The following DPYD variants were observed in gnomAD, a reference collection of about 807,000 sequenced individuals.
DPYD encodes dihydropyrimidine dehydrogenase [NADP(+)].
Under a neutral mutation model 116.2 loss-of-function variants are expected in DPYD, and 109 were observed. The observed-to-expected ratio is 0.94, with a 90% confidence interval of 0.80 to 1.10. DPYD has a LOEUF of 1.10. DPYD is among the 50% of genes least tolerant of loss of function. The probability of loss-of-function intolerance (pLI) is 0.00; values close to 1 mark genes in which losing one functional copy is unlikely to be tolerated. For synonymous variants in DPYD, 440 were observed against 432.0 expected, an observed-to-expected ratio of 1.02 and a Z score of -0.23; for missense variants, 1,302 against 1,254.5, an observed-to-expected ratio of 1.04 and a Z score of -0.57.
At chr1:97,486,979 A>C (rs760655102) in intron 13 of DPYD, among the ~76,000 whole-genome samples, 7 of 152,034 alleles carry the variant, frequency 4.6e-5, no homozygotes, top group Non-Finnish European at 7.4e-5. Flanking sequence ...AGCCATGCAA[A>C]TATTAAAAAT....
rs77851608 is a variant in DPYD, at chr1:97,907,194, C to T, written c.39+13690G>A. 5.3e-3 allele frequency among the ~76,000 whole-genome samples: 799 copies of T among 152,178 alleles called. 9 individuals carry two copies. Among genetic ancestry groups the T allele is most frequent in the African/African-American group, 0.018 (767 of 41,546 alleles). On this transcript the variant is annotated intron_variant, in intron 1 of 22. Transcript: ENST00000370192. ...TGAATTATTTATTTCTGGAATTTCA[C>T]ATTTAATATTTTCAGACCTAAAACT...
Position 97,376,936 on chromosome 1 carries a change from TC to T in DPYD, c.1975-3293del, listed in dbSNP as rs1399863203. 2.7e-5 allele frequency among the ~76,000 whole-genome samples: 4 copies of T among 145,590 alleles called. No homozygotes were observed. In the Admixed American group the frequency reaches 2.8e-4, roughly 10 times the overall value. On this transcript the variant is annotated intron_variant, in intron 15 of 22. Transcript: ENST00000370192. ...CTCTGAGCCAAACTATAGGTTTGAA[TC>T]CCACTTTTACTCCATCCTAGCTGTG...
intron 2 of DPYD, among the ~76,000 whole-genome samples, chr1:97,874,584 C>G (rs1671814691): frequency 1.3e-5 from 2 of 151,884 alleles, no homozygotes; most frequent in Non-Finnish European, 2.9e-5. Context: ...GATTCAGACA[C>G]TCAGAGGAAT....
chr1:97,708,280 T>C (rs1219633002), intron 5 of DPYD, among the ~76,000 whole-genome samples: 4 of 152,154 alleles, frequency 2.6e-5, no homozygotes, highest in African/African-American at 9.6e-5. Flanking sequence ...TTCTGTAGTT[T>C]TGTATTTTAC....
chr1:97,867,088 A>G (rs1244478314), intron 2 of DPYD, among the ~76,000 whole-genome samples: 1 of 151,940 alleles, frequency 6.6e-6, no homozygotes, highest in East Asian at 1.9e-4. Flanking sequence ...AGGCAGAGAC[A>G]TCAGATAGGA....
At position 97,305,361 on chromosome 1, in the gene DPYD, T is replaced by TAA. The variant is rs1282340496; in HGVS notation, c.2195_2196dup (p.Thr733LeufsTer10). 1 of 1,612,308 alleles carries TAA rather than the reference T, an allele frequency of 6.2e-7. No homozygotes were observed. Among genetic ancestry groups the TAA allele is most frequent in the South Asian group, 1.1e-5 (1 of 91,066 alleles). Reference sequence around the variant, plus strand: ...AGACCTGAGACAGTGTTGGTGGCTGTAACGCCATTGGCACCACCTATGCAA... The same window carrying TAA: ...AGACCTGAGACAGTGTTGGTGGCTGTAAAACGCCATTGGCACCACCTATGCAA... On this transcript the variant is annotated frameshift_variant, in exon 18 of 23. Coordinates refer to ENST00000370192, the MANE Select transcript of DPYD (RefSeq NM_000110.4). LOFTEE classifies it high-confidence loss of function.
chr1:97,504,120 T>C lies in DPYD; in HGVS notation c.1740+11606A>G, dbSNP rs902071479. ...ATGACATGGTTTCTTTGGAGCATGC[T>C]TCTGGGATTATATGAGTCCCACTGT... On this transcript the variant is annotated intron_variant, in intron 13 of 22. Transcript: ENST00000370192. Among the ~76,000 whole-genome samples the C allele has an allele frequency of 6.6e-5, 10 of 152,150 alleles. 2 individuals are homozygous for C. The highest frequency in any genetic ancestry group is 2.4e-4 in the African/African-American group (10 of 41,560).
chr1:97,824,389 T>A (rs1669120882), intron 3 of DPYD, among the ~76,000 whole-genome samples: 1 of 152,160 alleles, frequency 6.6e-6, no homozygotes. Context: ...CAGTCAAGTG[T>A]CATATTAGCA....
intron 3 of DPYD, among the ~76,000 whole-genome samples, chr1:97,747,864 C>T (rs766010252): frequency 6.6e-6 from 1 of 152,176 alleles, no homozygotes; most frequent in African/African-American, 2.4e-5. Context: ...CTTAAACTCT[C>T]TGACATGACT....
At chr1:97,153,144 A>T (rs1222571169) in intron 20 of DPYD, among the ~76,000 whole-genome samples, 1 of 152,192 alleles carries the variant, frequency 6.6e-6, no homozygotes, top group African/African-American at 2.4e-5. Flanking sequence ...TCTGTAGCTT[A>T]ATATGAGTAT....
At chr1:97,329,499 C>A (rs7539913) in intron 16 of DPYD, among the ~76,000 whole-genome samples, 17,477 of 151,682 alleles carry the variant, frequency 0.12, 1,410 homozygotes, top group African/African-American at 0.23. Context: ...GTAATCTCAG[C>A]AATTTGGGAG....
chr1:97,740,382 C>A lies in DPYD; in HGVS notation c.321+10G>T, dbSNP rs1232341618. On this transcript the variant is annotated intron_variant, in intron 4 of 22. Coordinates refer to ENST00000370192, the MANE Select transcript of DPYD (RefSeq NM_000110.4). ...GTTATTTTCATTTGCAGAGTTAAAT[C>A]TGAATTTACCTTGTTTGCAATACTT... is the stretch of plus-strand genomic sequence containing the variant. The A allele has an allele frequency of 1.2e-6, 2 of 1,601,308 alleles. No homozygotes were observed. Among genetic ancestry groups the A allele is most frequent in the African/African-American group, 2.7e-5 (2 of 74,658 alleles).
intron 20 of DPYD, among the ~76,000 whole-genome samples, chr1:97,106,212 A>G (rs1287561907): frequency 6.6e-6 from 1 of 152,114 alleles, no homozygotes; most frequent in African/African-American, 2.4e-5. Flanking sequence ...TAAGGTCATC[A>G]TTATTTTCAA....
intron 3 of DPYD, among the ~76,000 whole-genome samples, chr1:97,780,889 A>G (rs1465201765): frequency 6.6e-6 from 1 of 152,234 alleles, no homozygotes; most frequent in Non-Finnish European, 1.5e-5. Flanking sequence ...TAAAGACAAT[A>G]TCATATTTTT....
At chr1:97,595,822 C>G (rs1450082488) in intron 8 of DPYD, among the ~76,000 whole-genome samples, 1 of 151,616 alleles carries the variant, frequency 6.6e-6, no homozygotes, top group East Asian at 1.9e-4. Flanking sequence ...TATAAATCAC[C>G]TATAAGCACT....
chr1:97,139,726 C>A (rs1039645576), intron 20 of DPYD, among the ~76,000 whole-genome samples: 1 of 152,180 alleles, frequency 6.6e-6, no homozygotes, highest in African/African-American at 2.4e-5. Context: ...GAGGCCCCAA[C>A]TATGAAAGGA....
At chr1:97,524,913 G>A (rs185086288) in intron 12 of DPYD, among the ~76,000 whole-genome samples, 26 of 152,178 alleles carry the variant, frequency 1.7e-4, no homozygotes, top group Admixed American at 4.6e-4. Context: ...AACCCCTGAC[G>A]CAAATTTTCT....
chr1:97,092,986 C>A (rs1046922603), intron 21 of DPYD, among the ~76,000 whole-genome samples: 5 of 152,098 alleles, frequency 3.3e-5, no homozygotes, highest in African/African-American at 1.2e-4. Flanking sequence ...TTATGGCATA[C>A]CTGAAATATT....
chr1:97,833,172 A>G (rs1202611645), intron 2 of DPYD, among the ~76,000 whole-genome samples: 2 of 152,142 alleles, frequency 1.3e-5, no homozygotes, highest in African/African-American at 4.8e-5. Context: ...TTAGGAAACC[A>G]ATTTTAACAA....
Sources: allele counts gnomAD v4.1 joint callset (sites outside exome capture counted in the v4.1 genomes callset), GRCh38; gene constraint gnomAD v4.1.1; transcripts MANE v1.5; gene names NCBI Gene and HGNC (gene_info 2026-07-23, HGNC 2026-07-21).